COL4A6: variants seen among roughly 807,000 people sequenced by gnomAD.
COL4A6 encodes collagen alpha-6(IV) chain.
COL4A6 carries 59 observed loss-of-function variants against 126.7 expected under a neutral mutation model. The ratio of observed to expected loss-of-function variants is 0.47; its 90% CI spans 0.38 to 0.58. The LOEUF (loss-of-function observed/expected upper bound fraction) is 0.58. COL4A6 is among the 20% of genes least tolerant of loss of function. COL4A6 has a pLI of 0.00. For synonymous variants in COL4A6, 547 were observed against 496.6 expected (o/e 1.10, Z -1.35); for missense variants, 1,285 against 1,337.3 (o/e 0.96, Z 0.61).
In COL4A6 at chrX:108,170,848, A is replaced by G. The variant is rs145044150; in HGVS notation, c.3347T>C (p.Val1116Ala). 1.7e-6 allele frequency: 2 copies of G among 1,210,916 alleles called. No homozygotes were observed. Among genetic ancestry groups the G allele is most frequent in the Non-Finnish European group, 2.2e-6 (2 of 895,346 alleles). Reference sequence around the variant, plus strand: ...AAGGCCAACATCTCCAGAAACACCAACTTTTCCATCTTCACCTTTGTTTCC... The same window carrying G: ...AAGGCCAACATCTCCAGAAACACCAGCTTTTCCATCTTCACCTTTGTTTCC... ...FPGNKGEDGK[V>A]GVSGDVGLPG... is the part of the protein sequence containing the mutation. Residue 1116 changes from valine to alanine, a missense_variant, in exon 34 of 45, where the codon GTT (valine) becomes GCT (alanine). Coordinates refer to ENST00000334504, the MANE Select transcript of COL4A6 (RefSeq NM_033641.4).
At chrX:108,314,814 G>A (rs1306476597) in intron 2 of COL4A6, among the ~76,000 whole-genome samples, 1 of 112,123 alleles carries the variant, frequency 8.9e-6, no homozygotes, top group African/African-American at 3.2e-5. Context: ...AGTATCTACT[G>A]TACAGAGTTT....
intron 2 of COL4A6, among the ~76,000 whole-genome samples, chrX:108,356,339 A>C (rs1470898339): frequency 9.0e-6 from 1 of 110,584 alleles, no homozygotes; most frequent in South Asian, 3.9e-4. Context: ...ATAATAATAA[A>C]ATAAAATAAA....
At chrX:108,305,176 G>T (rs1052917325) in intron 3 of COL4A6, among the ~76,000 whole-genome samples, 1 of 112,043 alleles carries the variant, frequency 8.9e-6, no homozygotes, top group Non-Finnish European at 1.9e-5. Context: ...TTTAAAGGAT[G>T]GAAAAATAGA....
At chrX:108,170,070 C>G in intron 35 of COL4A6, 54 bp from the exon 36 acceptor site, 2 of 1,028,261 alleles carry the variant, frequency 1.9e-6, no homozygotes, top group Non-Finnish European at 2.7e-6. Flanking sequence ...CATGAAGCAT[C>G]AGCAAGAGGT....
At chrX:108,360,534 CTTTT>C (rs5903322) in intron 2 of COL4A6, among the ~76,000 whole-genome samples, 5 of 84,306 alleles carry the variant, frequency 5.9e-5, no homozygotes, top group Admixed American at 1.4e-4. Flanking sequence ...ACACTTTAAC[CTTTT>C]TTTTTTTTTT....
At chrX:108,389,826 A>G (rs1418074337) in intron 2 of COL4A6, among the ~76,000 whole-genome samples, 1 of 111,258 alleles carries the variant, frequency 9.0e-6, no homozygotes, top group Non-Finnish European at 1.9e-5. Flanking sequence ...CACAGCGTCG[A>G]TGGTCTTTAC....
chrX:108,340,272 G>T (rs1281523265), intron 2 of COL4A6, among the ~76,000 whole-genome samples: 1 of 111,017 alleles, frequency 9.0e-6, no homozygotes, highest in Non-Finnish European at 1.9e-5. Flanking sequence ...CCTGAAATAT[G>T]GCTAGTTCTA....
intron 33 of COL4A6, 146 bp from the exon 34 acceptor site, chrX:108,171,063 A>T (rs997101407): frequency 3.8e-6 from 2 of 527,779 alleles, no homozygotes; most frequent in Non-Finnish European, 6.1e-6. Context: ...TTTTCACATT[A>T]GAAAGGTGCC....
intron 3 of COL4A6, among the ~76,000 whole-genome samples, chrX:108,273,902 T>A (rs769984553): frequency 8.9e-6 from 1 of 112,238 alleles, no homozygotes; most frequent in African/African-American, 3.2e-5. Context: ...TGGGAACACA[T>A]AGGTTAGAGA....
At chrX:108,337,564 T>C (rs2039462085) in intron 2 of COL4A6, among the ~76,000 whole-genome samples, 1 of 113,028 alleles carries the variant, frequency 8.8e-6, no homozygotes, top group African/African-American at 3.2e-5. Flanking sequence ...GTGCATATGC[T>C]TTGAATCAAA....
chrX:108,304,263 A>G (rs751325665), intron 3 of COL4A6, among the ~76,000 whole-genome samples: 3 of 112,315 alleles, frequency 2.7e-5, no homozygotes, highest in Non-Finnish European at 5.6e-5. Context: ...GTAATGTCAC[A>G]ATACAATCAA....
chrX:108,331,092 C>T (rs2039287194), intron 2 of COL4A6, among the ~76,000 whole-genome samples: 1 of 111,778 alleles, frequency 8.9e-6, no homozygotes, highest in African/African-American at 3.3e-5. Flanking sequence ...CCTTGACCTA[C>T]CTTTGTCAAT....
intron 3 of COL4A6, among the ~76,000 whole-genome samples, chrX:108,243,730 T>C (rs1056140502): frequency 2.7e-5 from 3 of 111,890 alleles, no homozygotes; most frequent in Admixed American, 9.5e-5. Flanking sequence ...TTGAACTGAA[T>C]GCAATGTCAA....
chrX:108,427,493 A>AT (rs1189151165), intron 2 of COL4A6, among the ~76,000 whole-genome samples: 1 of 112,231 alleles, frequency 8.9e-6, no homozygotes, highest in Admixed American at 9.5e-5. Flanking sequence ...AGAGGATGAA[A>AT]AAAACAGGAG....
intron 3 of COL4A6, among the ~76,000 whole-genome samples, chrX:108,271,540 T>C (rs2037451947): frequency 9.0e-6 from 1 of 111,556 alleles, no homozygotes; most frequent in African/African-American, 3.3e-5. Flanking sequence ...GTAAATAATT[T>C]ACAGTCCTAA....
chrX:108,211,912 G>A (rs915317422), intron 6 of COL4A6, among the ~76,000 whole-genome samples, 172 bp from the exon 7 acceptor site: 4 of 111,993 alleles, frequency 3.6e-5, no homozygotes, highest in Admixed American at 2.8e-4. Context: ...CGGGTGCTCT[G>A]ATTCAGAGCT....
At chrX:108,285,912 G>C (rs1348693268) in intron 3 of COL4A6, among the ~76,000 whole-genome samples, 1 of 111,651 alleles carries the variant, frequency 9.0e-6, no homozygotes, top group Non-Finnish European at 1.9e-5. Flanking sequence ...CATAGAAAAG[G>C]GTTGTATCTA....
At chrX:108,360,051 G>A (rs750541996) in intron 2 of COL4A6, among the ~76,000 whole-genome samples, 27 of 111,625 alleles carry the variant, frequency 2.4e-4, no homozygotes, top group Non-Finnish European at 5.1e-4. Flanking sequence ...GCAACCAGAT[G>A]TTTTGGTCTG....
chrX:108,254,556 C>T (rs1054267193), intron 3 of COL4A6, among the ~76,000 whole-genome samples: 1 of 110,740 alleles, frequency 9.0e-6, no homozygotes, highest in South Asian at 3.8e-4. Context: ...CAACACACTC[C>T]TAGTCCCAAA....
Sources: gnomAD v4.1 joint callset for allele counts (sites outside exome capture counted in the v4.1 genomes callset) on GRCh38, gnomAD v4.1.1 for gene constraint, MANE v1.5 for transcripts, NCBI Gene and HGNC (gene_info 2026-07-23, HGNC 2026-07-21) for gene names.